Variants in KCTD14 observed in about 807,000 individuals in gnomAD.
The protein encoded by KCTD14 is potassium channel tetramerization domain containing 14.
In KCTD14, 7 loss-of-function variants were observed where a neutral mutation model predicts 5.9. The observed-to-expected ratio is 1.19, with a 90% CI of 0.68 to 2.23. The LOEUF (loss-of-function observed/expected upper bound fraction) is 2.23. Ranked by LOEUF, KCTD14 falls within the 30% of genes most tolerant of loss-of-function variation. KCTD14 has a pLI of 0.00. For missense variants in KCTD14, 342 were observed against 332.2 expected, an observed-to-expected ratio of 1.03 and a Z score of -0.23; for synonymous variants, 140 against 133.1, an observed-to-expected ratio of 1.05 and a Z score of -0.36.
rs367565302 is a variant in KCTD14, at chr11:78,016,681, T to C, written c.680A>G (p.Lys227Arg). The C allele has an allele frequency of 6.2e-6, 10 of 1,614,070 alleles. No individual in the cohort carries two copies. The African/African-American group carries it at 1.2e-4, about 19-fold the overall frequency. Residue 227 changes from lysine (K) to arginine (R), a missense_variant, in exon 2 of 2, where the codon AAG becomes AGG. Physicochemically the swap from Lys to Arg is conservative, Grantham distance 26. Coordinates refer to ENST00000353172, the MANE Select transcript of KCTD14 (RefSeq NM_023930.4). ...CGTCAGGTAGAACTTGGAGAATACC[T>C]TGTACCCCTGGGCCTTAATGTCCAT... is the stretch of plus-strand genomic sequence containing the variant. ...LEMDIKAQGYKVFSKFYLTYP... is the reference protein window; with the variant it reads ...LEMDIKAQGYRVFSKFYLTYP...
chr11:78,041,898 C>T (rs577555316), intron 1 of KCTD14, among the ~76,000 whole-genome samples: 12 of 152,326 alleles, frequency 7.9e-5, no homozygotes, highest in African/African-American at 1.4e-4. Context: ...GGTTCTCTTC[C>T]GTGACCCACG....
At chr11:78,045,412 T>G (rs532472453) in intron 1 of KCTD14, among the ~76,000 whole-genome samples, 1 of 152,328 alleles carries the variant, frequency 6.6e-6, no homozygotes, top group East Asian at 1.9e-4. Context: ...GCAGGAGTAA[T>G]TGGGGAAGTT....
At chr11:78,023,285 G>A, upstream of KCTD14, 1 of 1,600,108 alleles carries the variant, frequency 6.2e-7, no homozygotes, top group Non-Finnish European at 8.5e-7. Flanking sequence ...GCCCCTGGCT[G>A]CCCGCCCCTA....
intron 1 of KCTD14, among the ~76,000 whole-genome samples, chr11:78,020,418 G>T (rs935678223): frequency 3.9e-5 from 6 of 152,204 alleles, no homozygotes; most frequent in African/African-American, 1.4e-4. Flanking sequence ...CCTACCAGGG[G>T]ACAGTTCTGC....
chr11:78,018,559 T>G (rs757574634), intron 1 of KCTD14, among the ~76,000 whole-genome samples: 21 of 151,800 alleles, frequency 1.4e-4, no homozygotes, highest in Non-Finnish European at 2.9e-4. Flanking sequence ...ATACAGTAAT[T>G]AGCCAGGCAT....
In KCTD14 at chr11:78,016,577, T is replaced by G. The variant is rs1565307438; in HGVS notation, c.*16A>C. 3.1e-6 allele frequency: 5 copies of G among 1,600,718 alleles called. No homozygotes were observed. Among genetic ancestry groups the G allele is most frequent in the Non-Finnish European group, 4.3e-6 (5 of 1,170,324 alleles). ...TAAGCCACGCCAGAATTCATAACAG[T>G]CTCTGCTCCTGAGGATCACCACCAG... is the stretch of plus-strand genomic sequence containing the variant. On this transcript the variant is annotated 3_prime_UTR_variant, in exon 2 of 2. Coordinates refer to ENST00000353172, the MANE Select transcript of KCTD14 (RefSeq NM_023930.4).
chr11:78,028,930 G>T (rs1197646487), intron 2 of KCTD14, among the ~76,000 whole-genome samples: 1 of 151,874 alleles, frequency 6.6e-6, no homozygotes, highest in Non-Finnish European at 1.5e-5. Flanking sequence ...CAGGCACAGT[G>T]GCTCAGCACT....
At chr11:78,037,502 T>G (rs1044038627) in intron 2 of KCTD14, among the ~76,000 whole-genome samples, 5 of 152,278 alleles carry the variant, frequency 3.3e-5, no homozygotes, top group South Asian at 2.1e-4. Context: ...AGAAGGGACC[T>G]CCTGCTGAGC....
rs1406863948 is a variant in KCTD14 at position 78,016,232 on chromosome 11, T to C, written c.*361A>G. On this transcript the variant is annotated 3_prime_UTR_variant, in exon 2 of 2. Transcript: ENST00000353172. ...CCAAGCTGGGGCTATGTAGACTACA[T>C]CTTTAGGTCAGAACATCTAGATTCA... 1 of 274,306 alleles carries C rather than the reference T, an allele frequency of 3.6e-6. No individual in the cohort carries two copies. Among genetic ancestry groups the C allele is most frequent in the African/African-American group, 2.2e-5 (1 of 44,988 alleles). 17.0% of individuals were successfully genotyped at this position (274,306 alleles called of 1,614,324 possible).
At chr11:78,026,496 G>A (rs532641269), upstream of KCTD14, among the ~76,000 whole-genome samples, 4 of 152,130 alleles carry the variant, frequency 2.6e-5, no homozygotes, top group Admixed American at 2.0e-4. Flanking sequence ...GGCATCAGTG[G>A]CTCAGTCTAT....
intron 2 of KCTD14, among the ~76,000 whole-genome samples, chr11:78,029,049 G>A (rs1857545275): frequency 6.6e-6 from 1 of 151,978 alleles, no homozygotes; most frequent in Admixed American, 6.6e-5. Context: ...GCTGGGCATG[G>A]TGGTGCATGC....
intron 1 of KCTD14, among the ~76,000 whole-genome samples, chr11:78,021,490 C>G (rs1857306386): frequency 1.3e-5 from 2 of 151,858 alleles, no homozygotes; most frequent in African/African-American, 4.8e-5. Context: ...ACAATCTCGG[C>G]TCACTGCAAC....
intron 2 of KCTD14, among the ~76,000 whole-genome samples, chr11:78,032,841 G>C (rs994048084): frequency 1.3e-5 from 2 of 151,388 alleles, no homozygotes; most frequent in Admixed American, 6.6e-5. Context: ...ACCATGCCCA[G>C]CTAATTTTTA....
intron 2 of KCTD14, among the ~76,000 whole-genome samples, chr11:78,037,479 C>T (rs190052878): frequency 9.8e-4 from 150 of 152,318 alleles, no homozygotes; most frequent in African/African-American, 3.5e-3. Context: ...AGTTCACCAG[C>T]TGGTGCCAAT....
intron 1 of KCTD14, among the ~76,000 whole-genome samples, chr11:78,041,623 C>A (rs190860811): frequency 1.3e-5 from 2 of 152,322 alleles, no homozygotes; most frequent in East Asian, 1.9e-4. Context: ...TCTGTTTTCA[C>A]GCTATTTCAC....
At chr11:78,021,758 C>G (rs1303946134) in intron 1 of KCTD14, among the ~76,000 whole-genome samples, 1 of 152,132 alleles carries the variant, frequency 6.6e-6, no homozygotes, top group Admixed American at 6.6e-5. Flanking sequence ...TCCTGTCACT[C>G]CCTGCATTAA....
chr11:78,038,688 C>T (rs1482984222), exon 2 of KCTD14: 1 of 1,535,760 alleles, frequency 6.5e-7, no homozygotes, highest in Non-Finnish European at 8.7e-7. Flanking sequence ...CAGCAGAACT[C>T]CCCACAGCAA....
At chr11:78,042,044 A>G (rs1170970067) in intron 1 of KCTD14, among the ~76,000 whole-genome samples, 1 of 152,150 alleles carries the variant, frequency 6.6e-6, no homozygotes, top group African/African-American at 2.4e-5. Context: ...CCATCTTGGG[A>G]GCTCTGTGAG....
At chr11:78,026,416 C>T (rs1056741634), upstream of KCTD14, among the ~76,000 whole-genome samples, 7 of 151,792 alleles carry the variant, frequency 4.6e-5, no homozygotes, top group Non-Finnish European at 1.0e-4. Flanking sequence ...ACACTCCAGC[C>T]TGGAAGATAG....
Sources: allele counts gnomAD v4.1 joint callset (sites outside exome capture counted in the v4.1 genomes callset), GRCh38; gene constraint gnomAD v4.1.1; transcripts MANE v1.5; gene names NCBI Gene and HGNC (gene_info 2026-07-23, HGNC 2026-07-21).